Variants in SCEL observed in about 807,000 individuals in gnomAD.
The protein encoded by SCEL is sciellin.
Under a neutral mutation model 117.6 loss-of-function variants are expected in SCEL, and 113 were observed. That is an observed-to-expected ratio of 0.96 (90% CI 0.83 to 1.12). The LOEUF (loss-of-function observed/expected upper bound fraction) is 1.12, where lower values mean the gene tolerates loss of function less well. SCEL is among the 50% of genes most tolerant of loss of function. The pLI, the probability that SCEL is intolerant of heterozygous loss-of-function variation, is 0.00. For synonymous variants in SCEL, 270 were observed against 256.2 expected (o/e 1.05, Z -0.51); for missense variants, 785 against 810.8 (o/e 0.97, Z 0.39).
chr13:77,595,822 T>C (rs931119191), intron 12 of SCEL, among the ~76,000 whole-genome samples: 1 of 152,180 alleles, frequency 6.6e-6, no homozygotes, highest in Non-Finnish European at 1.5e-5. Context: ...CAGGCAACAA[T>C]TCTACCATTG....
chr13:77,608,210 CAG>C, intron 20 of SCEL, 95 bp downstream of exon 20: 1 of 933,434 alleles, frequency 1.1e-6, no homozygotes, highest in Non-Finnish European at 1.6e-6. Flanking sequence ...GGATTGGGAT[CAG>C]AAAGGCTGAA....
At chr13:77,605,719 T>A (rs1189765621) in intron 19 of SCEL, among the ~76,000 whole-genome samples, 1 of 152,190 alleles carries the variant, frequency 6.6e-6, no homozygotes, top group Non-Finnish European at 1.5e-5. Flanking sequence ...AAAAATAATA[T>A]TTCCAGGCCG....
At chr13:77,628,385 G>T (rs2089869541) in intron 28 of SCEL, among the ~76,000 whole-genome samples, 1 of 151,984 alleles carries the variant, frequency 6.6e-6, no homozygotes, top group South Asian at 2.1e-4. Flanking sequence ...GCTCTCAGCA[G>T]TGCAGAAAGC....
chr13:77,621,940 T>C lies in SCEL; in HGVS notation c.1628+3880T>C, dbSNP rs552494813. On this transcript the variant is annotated intron_variant, in intron 27 of 32. Transcript: ENST00000349847. ...TAAAATACCCAAATTGCCTAACTGC[T>C]CTGTGGACCTGTTAATTTCTTTAAT... Among the ~76,000 whole-genome samples, 8 of 152,336 alleles carry C rather than the reference T, an allele frequency of 5.3e-5. No homozygotes were observed. The South Asian group carries it at 1.7e-3, about 32-fold the overall frequency.
chr13:77,558,819 C>CA (rs58052726), intron 3 of SCEL, among the ~76,000 whole-genome samples: 41,856 of 89,892 alleles, frequency 0.47, 10,360 homozygotes, highest in Non-Finnish European at 0.57. Flanking sequence ...CTCTGTCTTA[C>CA]AAAAAAAAAA....
chr13:77,563,729 C>A lies in SCEL; in HGVS notation c.222-102C>A, dbSNP rs1293211226. The A allele has an allele frequency of 7.6e-6, 6 of 790,718 alleles. No individual in the cohort carries two copies. The East Asian group carries it at 1.1e-4, about 14-fold the overall frequency. The allele number at this position is 790,718 out of a possible 1,614,324, so 49.0% of individuals were successfully genotyped here. ...TCCTTGGTAACATGTATATTTCCTACTGAAATAGGTCAAAATATTGCCATA... is the reference window on the plus strand; with the variant it reads ...TCCTTGGTAACATGTATATTTCCTAATGAAATAGGTCAAAATATTGCCATA... On this transcript the variant is annotated intron_variant, in intron 4 of 32. Coordinates refer to ENST00000349847, the MANE Select transcript of SCEL (RefSeq NM_144777.3).
At chr13:77,596,430 G>T (rs1193255222) in intron 12 of SCEL, among the ~76,000 whole-genome samples, 1 of 152,090 alleles carries the variant, frequency 6.6e-6, no homozygotes, top group Non-Finnish European at 1.5e-5. Flanking sequence ...AGGAATTTAT[G>T]ACTTGTTAGG....
intron 32 of SCEL, among the ~76,000 whole-genome samples, chr13:77,643,804 G>A (rs183351196): frequency 6.6e-6 from 1 of 152,040 alleles, no homozygotes; most frequent in African/African-American, 2.4e-5. Flanking sequence ...TCTATATTCT[G>A]CTTCCCCCAG....
Position 77,569,383 on chromosome 13 carries a change from T to C in SCEL, c.411T>C (p.Gly137=). Residue 137 remains glycine (G), a synonymous_variant, in exon 8 of 33, where the codon GGT becomes GGC. Transcript: ENST00000349847. ...TGTCATTAAACAGGCAACCTGGCGGTTCATTGAATGCCAACACCTCCAACA... is the reference window on the plus strand; with the variant it reads ...TGTCATTAAACAGGCAACCTGGCGGCTCATTGAATGCCAACACCTCCAACA... ...SLEVTKLQPG[G]SLNANTSNTI... The C allele has an allele frequency of 6.2e-7, 1 of 1,613,730 alleles. No homozygotes were observed.
Position 77,567,749 on chromosome 13 carries a change from G to T in SCEL, c.359+1G>T. ...CCTTGGATAACCAACTAACCAATAG[G>T]TACCAGTATCTACTAACTATGGGAA... is the stretch of plus-strand genomic sequence containing the variant. On this transcript the variant is annotated splice_donor_variant, in intron 6 of 32. Transcript: ENST00000349847. LOFTEE classifies it high-confidence loss of function. 6.3e-7 allele frequency: 1 copy of T among 1,578,466 alleles called. No homozygotes were observed. The highest frequency in any genetic ancestry group is 8.7e-7 in the Non-Finnish European group (1 of 1,155,098).
At chr13:77,558,742 GGAGGCAGAGGTTGCAGT>G (rs906557429) in intron 3 of SCEL, among the ~76,000 whole-genome samples, 2 of 150,646 alleles carry the variant, frequency 1.3e-5, no homozygotes, top group African/African-American at 4.9e-5. Context: ...CTTGAACCGA[GGAGGCAGAGGTTGCAGT>G]GAGCCGAGAT....
At chr13:77,642,565 A>C in intron 31 of SCEL, 141 bp from the exon 32 acceptor site, 1 of 528,196 alleles carries the variant, frequency 1.9e-6, no homozygotes, top group Non-Finnish European at 3.3e-6. Flanking sequence ...ATTCATATCT[A>C]CTCCACTGTG....
At chr13:77,566,027 C>G (rs2085267797) in intron 5 of SCEL, among the ~76,000 whole-genome samples, 1 of 152,182 alleles carries the variant, frequency 6.6e-6, no homozygotes, top group Admixed American at 6.5e-5. Context: ...CAAAATTAAT[C>G]TCCCACAGCA....
intron 1 of SCEL, among the ~76,000 whole-genome samples, chr13:77,542,797 A>G (rs372921571): frequency 9.2e-5 from 14 of 152,252 alleles, no homozygotes; most frequent in African/African-American, 3.1e-4. Context: ...TGTTTTATTT[A>G]TCTTCCAAAA....
Position 77,545,404 on chromosome 13 carries a change from A to AT in SCEL, c.-20+9588dup, listed in dbSNP as rs1046405586. 3.3e-5 allele frequency among the ~76,000 whole-genome samples: 5 copies of AT among 152,044 alleles called. No individual in the cohort carries two copies. The East Asian group carries it at 5.8e-4, about 18-fold the overall frequency. On this transcript the variant is annotated intron_variant, in intron 1 of 32. Coordinates refer to ENST00000349847, the MANE Select transcript of SCEL (RefSeq NM_144777.3). ...TTACAAAACAATAAAATTTGGCTGC[A>AT]TTTTTTTTAATACTACCAGTTTGAG...
intron 1 of SCEL, among the ~76,000 whole-genome samples, chr13:77,554,521 G>A (rs2084535698): frequency 6.6e-6 from 1 of 152,210 alleles, no homozygotes; most frequent in South Asian, 2.1e-4. Flanking sequence ...ATGGCAAGTT[G>A]TTGCAGGAAA....
At chr13:77,603,496 TC>T (rs1456844758) in intron 18 of SCEL, among the ~76,000 whole-genome samples, 1 of 152,132 alleles carries the variant, frequency 6.6e-6, no homozygotes, top group Non-Finnish European at 1.5e-5. Context: ...CTCTGGTAAT[TC>T]AGCTCCTCTA....
chr13:77,564,871 T>C (rs999534351), intron 5 of SCEL, among the ~76,000 whole-genome samples: 5 of 152,200 alleles, frequency 3.3e-5, no homozygotes, highest in African/African-American at 1.2e-4. Context: ...CAATCAATGC[T>C]GGTATCCTAA....
chr13:77,635,101 A>C (rs1055310142), intron 29 of SCEL, among the ~76,000 whole-genome samples: 1 of 152,204 alleles, frequency 6.6e-6, no homozygotes, highest in African/African-American at 2.4e-5. Flanking sequence ...CTAAGAGAAG[A>C]GTATTCAGGG....
Sources: gnomAD v4.1 joint callset for allele counts (sites outside exome capture counted in the v4.1 genomes callset) on GRCh38, gnomAD v4.1.1 for gene constraint, MANE v1.5 for transcripts, NCBI Gene and HGNC (gene_info 2026-07-23, HGNC 2026-07-21) for gene names.